The following JAK2 variants were observed in gnomAD, a reference collection of about 807,000 sequenced individuals.
The protein encoded by JAK2 is tyrosine-protein kinase JAK2.
A neutral mutation model predicts 139.3 loss-of-function variants in JAK2; 86 were observed. The observed-to-expected ratio is 0.62, with a 90% confidence interval of 0.52 to 0.74. JAK2 has a LOEUF of 0.74. Among genes scored for constraint, JAK2 ranks in the 30% least tolerant of loss-of-function variants. The pLI is 0.00. For synonymous variants in JAK2, 490 were observed against 437.7 expected (o/e 1.12, Z -1.49); for missense variants, 1,421 against 1,360.3 (o/e 1.04, Z -0.70).
chr9:5,014,703 T>A (rs1289300515), intron 2 of JAK2, among the ~76,000 whole-genome samples: 1 of 152,220 alleles, frequency 6.6e-6, no homozygotes, highest in Non-Finnish European at 1.5e-5. Flanking sequence ...TGATTGTATT[T>A]AGGAGGGAAA....
At chr9:5,006,934 G>C (rs1821345068) in intron 2 of JAK2, among the ~76,000 whole-genome samples, 2 of 152,100 alleles carry the variant, frequency 1.3e-5, no homozygotes, top group Admixed American at 1.3e-4. Flanking sequence ...TATTCCTGTT[G>C]TCTTTTACAT....
At chr9:5,087,381 T>C (rs1471354357) in intron 19 of JAK2, among the ~76,000 whole-genome samples, 2 of 152,188 alleles carry the variant, frequency 1.3e-5, no homozygotes, top group African/African-American at 2.4e-5. Flanking sequence ...CATGATTCAG[T>C]TGCCTCCCAC....
intron 8 of JAK2, among the ~76,000 whole-genome samples, chr9:5,061,894 G>C (rs182129286): frequency 6.6e-6 from 1 of 152,292 alleles, no homozygotes; most frequent in Admixed American, 6.5e-5. Flanking sequence ...ATACTCAGTG[G>C]TCATTGTAGG....
At chr9:5,028,345 C>A (rs1313879652) in intron 3 of JAK2, among the ~76,000 whole-genome samples, 1 of 152,160 alleles carries the variant, frequency 6.6e-6, no homozygotes, top group Non-Finnish European at 1.5e-5. Flanking sequence ...TTAAAATATT[C>A]AGTAAACCAC....
At chr9:5,085,049 T>C (rs1356513042) in intron 19 of JAK2, 2 of 765,656 alleles carry the variant, frequency 2.6e-6, no homozygotes, top group Non-Finnish European at 2.2e-6. Flanking sequence ...CGTCTCTTTC[T>C]GGGGATGAGA....
intron 4 of JAK2, among the ~76,000 whole-genome samples, chr9:5,034,495 A>T (rs1449290362): frequency 6.6e-6 from 1 of 151,954 alleles, no homozygotes; most frequent in Non-Finnish European, 1.5e-5. Flanking sequence ...GAAGTAAAGC[A>T]CTCCTCAGCA....
Position 5,129,760 on chromosome 9 carries a change from A to T in JAK2, c.*2969A>T, listed in dbSNP as rs940324370. ...AATTCTCACAGTGATATTAGATTTC[A>T]AAATGACACTGAGAGAACTGAAAAA... On this transcript the variant is annotated 3_prime_UTR_variant, in exon 25 of 25. Transcript: ENST00000381652. Among the ~76,000 whole-genome samples, 3 of 152,186 alleles carry T rather than the reference A, an allele frequency of 2.0e-5. No homozygotes were observed. The highest frequency in any genetic ancestry group is 7.2e-5 in the African/African-American group (3 of 41,468).
At chr9:5,100,569 T>G (rs2130742103) in intron 22 of JAK2, 1 of 152,366 alleles carries the variant, frequency 6.6e-6, no homozygotes, top group East Asian at 1.9e-4. Context: ...AATGCCAGAA[T>G]TAGGAGGACA....
intron 13 of JAK2, 33 bp from the exon 14 acceptor site, chr9:5,073,665 A>G: frequency 6.6e-7 from 1 of 1,507,158 alleles, no homozygotes; most frequent in Non-Finnish European, 9.2e-7. Flanking sequence ...CAACAGTCAA[A>G]CAACAATTCT....
At chr9:5,006,395 G>A (rs1343333395) in intron 2 of JAK2, among the ~76,000 whole-genome samples, 1 of 152,102 alleles carries the variant, frequency 6.6e-6, no homozygotes, top group African/African-American at 2.4e-5. Flanking sequence ...TTTGGGCTGA[G>A]ACAATGGGGT....
chr9:5,077,573 A>G lies in JAK2; in HGVS notation c.1985A>G (p.His662Arg). The change falls in exon 15 of 25, where the codon CAT becomes CGT. Residue 662 changes from histidine to arginine, a missense_variant. Physicochemically the swap from His to Arg is conservative, Grantham distance 29 (BLOSUM62 0). Coordinates refer to ENST00000381652, the MANE Select transcript of JAK2 (RefSeq NM_004972.4). ...GCTAAACAGTTGGCATGGGCCATGC[A>G]TTTTCTAGTAAGTAGTACAACCTTT... ...EVAKQLAWAM[H>R]FLEENTLIHG... 1.3e-6 allele frequency: 2 copies of G among 1,483,056 alleles called. No homozygotes were observed. The highest frequency in any genetic ancestry group is 1.8e-6 in the Non-Finnish European group (2 of 1,118,148). The allele number at this position is 1,483,056 out of a possible 1,614,324, so 91.9% of individuals were successfully genotyped here.
At position 5,128,066 on chromosome 9, in the gene JAK2, A is replaced by T. The variant is rs533679509; in HGVS notation, c.*1275A>T. 1 of 224,628 alleles carries T rather than the reference A, an allele frequency of 4.5e-6. No individual in the cohort carries two copies. The highest frequency in any genetic ancestry group is 6.1e-5 in the East Asian group (1 of 16,312). 13.9% of individuals were successfully genotyped at this position (224,628 alleles called of 1,614,324 possible). On this transcript the variant is annotated 3_prime_UTR_variant, in exon 25 of 25. Transcript: ENST00000381652. The stretch of plus-strand genomic sequence containing the variant: ...CACTTTAGACACCATAGCTAAAATA[A>T]AATATGGTGGGTTTTGTGTGTGTGT...
chr9:4,996,501 A>G (rs1052977215), intron 2 of JAK2, among the ~76,000 whole-genome samples: 3 of 151,916 alleles, frequency 2.0e-5, no homozygotes, highest in South Asian at 2.1e-4. Context: ...GAAGTATACT[A>G]TTCTGATTCT....
At position 5,095,691 on chromosome 9, in the gene JAK2, T is replaced by A. The variant is rs955355889; in HGVS notation, c.3059+4780T>A. On this transcript the variant is annotated intron_variant, in intron 22 of 24. Transcript: ENST00000381652. Reference sequence around the variant, plus strand: ...CAATAAACACGACCAGTCTCCTATCTATCACAATCCTATCCATTAACGTAA... The same window carrying A: ...CAATAAACACGACCAGTCTCCTATCAATCACAATCCTATCCATTAACGTAA... 1.1e-4 allele frequency among the ~76,000 whole-genome samples: 16 copies of A among 152,312 alleles called. 1 individual carries two copies. The highest frequency in any genetic ancestry group is 1.6e-4 in the Non-Finnish European group (11 of 68,028).
chr9:5,067,050 C>T (rs1818619896), intron 10 of JAK2, among the ~76,000 whole-genome samples: 1 of 151,508 alleles, frequency 6.6e-6, no homozygotes, highest in South Asian at 2.1e-4. Context: ...TTGGTGTTAC[C>T]AGTGTGTTAA....
chr9:5,104,361 C>T (rs541328321), intron 22 of JAK2, among the ~76,000 whole-genome samples: 1 of 152,184 alleles, frequency 6.6e-6, no homozygotes, highest in East Asian at 1.9e-4. Context: ...AAGACTAAAC[C>T]AGGAAGAAGT....
chr9:5,048,454 T>C (rs925158130), intron 5 of JAK2, among the ~76,000 whole-genome samples: 2 of 152,202 alleles, frequency 1.3e-5, no homozygotes, highest in Admixed American at 6.5e-5. Flanking sequence ...CTACTAGTTC[T>C]ATAGGGAACC....
At chr9:5,066,073 A>C (rs181497555) in intron 9 of JAK2, among the ~76,000 whole-genome samples, 8 of 152,262 alleles carry the variant, frequency 5.3e-5, no homozygotes, top group African/African-American at 1.4e-4. Context: ...ACTATGTGCA[A>C]GCATTGGTTT....
intron 22 of JAK2, among the ~76,000 whole-genome samples, chr9:5,103,662 T>C (rs1056403772): frequency 3.9e-5 from 6 of 152,260 alleles, no homozygotes; most frequent in African/African-American, 1.2e-4. Context: ...ATAGACCACA[T>C]AGAAGTAAAG....
Sources: gnomAD v4.1 joint callset for allele counts (sites outside exome capture counted in the v4.1 genomes callset) on GRCh38, gnomAD v4.1.1 for gene constraint, MANE v1.5 for transcripts, NCBI Gene and HGNC (gene_info 2026-07-23, HGNC 2026-07-21) for gene names.